The following ELAVL2 variants were observed in gnomAD, a reference collection of about 807,000 sequenced individuals.
ELAVL2 encodes ELAV like RNA binding protein 2.
A neutral mutation model predicts 34.6 loss-of-function variants in ELAVL2; 4 were observed. The ratio of observed to expected loss-of-function variants is 0.12; its 90% CI spans 0.06 to 0.26. ELAVL2 has a LOEUF of 0.26. Among genes scored for constraint, ELAVL2 ranks in the 10% least tolerant of loss-of-function variants. The pLI, the probability that ELAVL2 is intolerant of heterozygous loss-of-function variation, is 1.00. For missense variants in ELAVL2, 432 were observed against 442.8 expected (o/e 0.98, Z 0.22); for synonymous variants, 193 against 154.8 (o/e 1.25, Z -1.83).
At chr9:23,733,165 G>C (rs1255783065) in intron 2 of ELAVL2, among the ~76,000 whole-genome samples, 1 of 75,436 alleles carries the variant, frequency 1.3e-5, no homozygotes, top group Non-Finnish European at 2.5e-5. Flanking sequence ...GAATCATCTA[G>C]AAAGCTTAAA....
chr9:23,771,748 A>C (rs868434266), intron 1 of ELAVL2, among the ~76,000 whole-genome samples: 6 of 152,214 alleles, frequency 3.9e-5, no homozygotes, highest in South Asian at 2.1e-4. Context: ...AAGTTTAAAA[A>C]CAAAGTGGAT....
chr9:23,708,602 G>A (rs949242515), intron 3 of ELAVL2, among the ~76,000 whole-genome samples: 1 of 152,206 alleles, frequency 6.6e-6, no homozygotes, highest in Admixed American at 6.5e-5. Context: ...ACTGGCCACA[G>A]ACAGAAAACA....
chr9:23,761,658 G>T (rs955624040), intron 2 of ELAVL2, among the ~76,000 whole-genome samples: 2 of 151,842 alleles, frequency 1.3e-5, no homozygotes, highest in African/African-American at 4.8e-5. Flanking sequence ...AACACATATT[G>T]TATCTCACTG....
chr9:23,754,758 T>C (rs1272936330), intron 2 of ELAVL2, among the ~76,000 whole-genome samples: 1 of 152,164 alleles, frequency 6.6e-6, no homozygotes, highest in Non-Finnish European at 1.5e-5. Flanking sequence ...TCACTGCGCC[T>C]GGCTGGCATC....
At chr9:23,703,403 T>C (rs1266239931) in intron 4 of ELAVL2, among the ~76,000 whole-genome samples, 2 of 152,228 alleles carry the variant, frequency 1.3e-5, no homozygotes, top group African/African-American at 2.4e-5. Context: ...AGGGTGGCAA[T>C]GTATAAGTAT....
chr9:23,821,037 G>A (rs902814054), intron 1 of ELAVL2, among the ~76,000 whole-genome samples: 2 of 152,170 alleles, frequency 1.3e-5, no homozygotes, highest in Admixed American at 1.3e-4. Context: ...CAAACGCCCC[G>A]AGAGCTCCAA....
chr9:23,706,593 T>C (rs1221708948), intron 3 of ELAVL2, among the ~76,000 whole-genome samples: 5 of 152,220 alleles, frequency 3.3e-5, no homozygotes, highest in African/African-American at 9.6e-5. Context: ...ACTAGCCTAC[T>C]TCAAGGGACA....
At chr9:23,770,978 GGAA>G (rs1160593347) in intron 1 of ELAVL2, among the ~76,000 whole-genome samples, 1 of 152,092 alleles carries the variant, frequency 6.6e-6, no homozygotes, top group African/African-American at 2.4e-5. Context: ...TAATGAGGCC[GGAA>G]CACATAGGGC....
intron 1 of ELAVL2, among the ~76,000 whole-genome samples, 193 bp downstream of exon 1, chr9:23,825,613 T>C (rs1588880828): frequency 1.3e-5 from 2 of 152,328 alleles, no homozygotes; most frequent in South Asian, 2.1e-4. Flanking sequence ...TTTACGAATA[T>C]TCAGTACGCT....
intron 3 of ELAVL2, among the ~76,000 whole-genome samples, chr9:23,713,870 T>C (rs2041653172): frequency 6.6e-6 from 1 of 152,162 alleles, no homozygotes; most frequent in South Asian, 2.1e-4. Flanking sequence ...TAAAAACATA[T>C]GGTATGGAGT....
chr9:23,730,625 A>G (rs566720687), intron 3 of ELAVL2, among the ~76,000 whole-genome samples: 2 of 152,280 alleles, frequency 1.3e-5, no homozygotes, highest in Admixed American at 1.3e-4. Flanking sequence ...CTTTCATACT[A>G]TAAAGGCAGA....
intron 4 of ELAVL2, among the ~76,000 whole-genome samples, 169 bp downstream of exon 4, chr9:23,704,749 T>C (rs2038745286): frequency 6.6e-6 from 1 of 152,180 alleles, no homozygotes; most frequent in African/African-American, 2.4e-5. Flanking sequence ...CCACAATCTA[T>C]TTTTATCCAT....
intron 3 of ELAVL2, among the ~76,000 whole-genome samples, chr9:23,705,672 AT>A (rs2039082395): frequency 1.3e-5 from 2 of 152,290 alleles, no homozygotes; most frequent in South Asian, 4.1e-4. Flanking sequence ...CACAATCTAG[AT>A]TCCTTGCATG....
chr9:23,778,187 T>G (rs548761925), intron 1 of ELAVL2, among the ~76,000 whole-genome samples: 3 of 152,134 alleles, frequency 2.0e-5, no homozygotes, highest in Admixed American at 6.6e-5. Context: ...AACAATGGAC[T>G]CTGCTTAAAT....
At chr9:23,772,534 CAAAAAAAAAA>C (rs11450267) in intron 1 of ELAVL2, among the ~76,000 whole-genome samples, 1,273 of 67,670 alleles carry the variant, frequency 0.019, 34 homozygotes, top group African/African-American at 0.062. Context: ...CAGCTTACAC[CAAAAAAAAAA>C]AAAAAAAAAA....
chr9:23,705,142 C>G (rs1222954922), intron 3 of ELAVL2, 71 bp from the exon 4 acceptor site: 8 of 1,571,442 alleles, frequency 5.1e-6, no homozygotes, highest in South Asian at 1.1e-5. Flanking sequence ...AACTCAAAAA[C>G]TGCCTCGGTA....
chr9:23,785,636 A>G (rs951788587), intron 1 of ELAVL2, among the ~76,000 whole-genome samples: 1 of 152,206 alleles, frequency 6.6e-6, no homozygotes, highest in African/African-American at 2.4e-5. Context: ...TGTTAACCCA[A>G]AACTCCCAGT....
At chr9:23,711,380 T>G (rs1297556765) in intron 3 of ELAVL2, among the ~76,000 whole-genome samples, 1 of 152,220 alleles carries the variant, frequency 6.6e-6, no homozygotes, top group Non-Finnish European at 1.5e-5. Context: ...GGAATATATT[T>G]GATAATGTCA....
At chr9:23,791,438 A>C (rs1480186896) in intron 1 of ELAVL2, among the ~76,000 whole-genome samples, 1 of 152,234 alleles carries the variant, frequency 6.6e-6, no homozygotes, top group African/African-American at 2.4e-5. Flanking sequence ...TTGAAACCAT[A>C]ATCTCCAACG....
Sources: gnomAD v4.1 joint callset for allele counts (sites outside exome capture counted in the v4.1 genomes callset) on GRCh38, gnomAD v4.1.1 for gene constraint, MANE v1.5 for transcripts, NCBI Gene and HGNC (gene_info 2026-07-23, HGNC 2026-07-21) for gene names.